Variants in SMARCA2 observed in about 807,000 individuals in gnomAD.
SMARCA2 encodes the protein SWI/SNF-related matrix-associated actin-dependent regulator of chromatin subfamily A member 2.
In SMARCA2, 61 loss-of-function variants were observed where a neutral mutation model predicts 199.8. The ratio of observed to expected loss-of-function variants is 0.31; its 90% CI spans 0.25 to 0.38. The LOEUF is 0.38. SMARCA2 is among the 10% of genes least tolerant of loss of function. The probability of loss-of-function intolerance (pLI) is 1.00; values close to 1 mark genes in which losing one functional copy is unlikely to be tolerated. For missense variants in SMARCA2, 1,344 were observed against 2,012.2 expected, an observed-to-expected ratio of 0.67 and a Z score of 6.35; for synonymous variants, 935 against 732.0, an observed-to-expected ratio of 1.28 and a Z score of -4.48.
Position 2,149,989 on chromosome 9 carries a change from C to A in SMARCA2, c.3982-11697C>A, listed in dbSNP as rs140618616. Among the ~76,000 whole-genome samples, 53 of 151,544 alleles carry A rather than the reference C, an allele frequency of 3.5e-4. No individual in the cohort carries two copies. In the East Asian group the frequency reaches 0.01, roughly 29 times the overall value. On this transcript the variant is annotated intron_variant, in intron 27 of 33. Transcript: ENST00000349721. Reference sequence around the variant, plus strand: ...CAAATTTAACTAGAACCAGACACTCCTCTACTGACACTCTAATAATATGTG... The same window carrying A: ...CAAATTTAACTAGAACCAGACACTCATCTACTGACACTCTAATAATATGTG...
chr9:2,184,203 A>G (rs1051371461), intron 31 of SMARCA2, among the ~76,000 whole-genome samples: 14 of 152,160 alleles, frequency 9.2e-5, no homozygotes, highest in African/African-American at 3.4e-4. Context: ...ATTCGGACTG[A>G]TACTATGATC....
intron 27 of SMARCA2, among the ~76,000 whole-genome samples, chr9:2,154,231 A>G (rs999019557): frequency 1.3e-5 from 2 of 152,242 alleles, no homozygotes; most frequent in South Asian, 2.1e-4. Context: ...GTGGCTGTCA[A>G]CACAGCAAAC....
intron 28 of SMARCA2, among the ~76,000 whole-genome samples, chr9:2,163,188 A>C (rs555086956): frequency 6.6e-6 from 1 of 152,368 alleles, no homozygotes; most frequent in East Asian, 1.9e-4. Flanking sequence ...ATGGGGAAAG[A>C]GGAGTAGGTG....
At position 2,103,913 on chromosome 9, in the gene SMARCA2, A is replaced by G. The variant is rs1822641725; in HGVS notation, c.3126-90A>G. On this transcript the variant is annotated intron_variant, in intron 22 of 33. Coordinates refer to ENST00000349721, the MANE Select transcript of SMARCA2 (RefSeq NM_003070.5). ...ACTTATTGAATGTTTACAGTGTACA[A>G]AGGACTATATGAAAAGCAAAGCAAT... 6.6e-6 allele frequency: 7 copies of G among 1,060,804 alleles called. 1 individual carries two copies. The South Asian group carries it at 8.5e-5, about 13-fold the overall frequency. 65.7% of individuals were successfully genotyped at this position (1,060,804 alleles called of 1,614,324 possible).
At chr9:2,114,733 T>C (rs1000109468) in intron 24 of SMARCA2, among the ~76,000 whole-genome samples, 5 of 152,216 alleles carry the variant, frequency 3.3e-5, no homozygotes, top group Non-Finnish European at 7.3e-5. Context: ...TTTCTTATTA[T>C]TAATATATGA....
chr9:2,156,639 T>C (rs1262552186), intron 27 of SMARCA2, among the ~76,000 whole-genome samples: 2 of 151,952 alleles, frequency 1.3e-5, no homozygotes, highest in African/African-American at 4.8e-5. Flanking sequence ...CCATGTTGGT[T>C]AGGCTGGTCT....
intron 9 of SMARCA2, 172 bp downstream of exon 9, chr9:2,061,158 G>C: frequency 1.6e-6 from 1 of 607,792 alleles, no homozygotes. Flanking sequence ...AGGTACACTA[G>C]ACAACTATTG....
Position 2,169,361 on chromosome 9 carries a change from C to A in SMARCA2, c.4200-1058C>A, listed in dbSNP as rs1826114894. On this transcript the variant is annotated intron_variant, in intron 28 of 33. Transcript: ENST00000349721. This position sits in a 1 kb window ranked among gnomAD's most constrained non-coding sequence, Gnocchi z 6.5. ...CGTTGCCTACCCGATGATGACCAGA[C>A]TTCTTAGCGTAGGAGAATTGTTATC... is the stretch of plus-strand genomic sequence containing the variant. Among the ~76,000 whole-genome samples the A allele has an allele frequency of 6.6e-6, 1 of 152,198 alleles. No homozygotes were observed. The highest frequency in any genetic ancestry group is 1.5e-5 in the Non-Finnish European group (1 of 68,022).
At chr9:2,125,245 T>C (rs905906704) in intron 27 of SMARCA2, among the ~76,000 whole-genome samples, 3 of 152,230 alleles carry the variant, frequency 2.0e-5, no homozygotes, top group African/African-American at 7.2e-5. Flanking sequence ...GTGTATAAAA[T>C]AGAACATTTG....
intron 21 of SMARCA2, among the ~76,000 whole-genome samples, chr9:2,100,120 G>T (rs1322054696): frequency 6.6e-6 from 1 of 152,216 alleles, no homozygotes; most frequent in Non-Finnish European, 1.5e-5. Flanking sequence ...AAGCAGAAAA[G>T]GGAGACAGCC....
chr9:2,134,014 A>G (rs1421232964), intron 27 of SMARCA2, among the ~76,000 whole-genome samples: 2 of 152,200 alleles, frequency 1.3e-5, no homozygotes, highest in Non-Finnish European at 2.9e-5. Context: ...TTGATAGGGT[A>G]TTCTGAGAAT....
At chr9:2,143,730 A>G (rs1824577321) in intron 27 of SMARCA2, among the ~76,000 whole-genome samples, 1 of 152,254 alleles carries the variant, frequency 6.6e-6, no homozygotes, top group African/African-American at 2.4e-5. Context: ...GACAGGATCC[A>G]CAAAGAGAAA....
intron 27 of SMARCA2, among the ~76,000 whole-genome samples, chr9:2,125,812 C>T (rs1436522819): frequency 3.9e-5 from 6 of 152,246 alleles, no homozygotes; most frequent in Non-Finnish European, 5.9e-5. Flanking sequence ...TAAAGCTAAG[C>T]TTTGATATGT....
chr9:2,160,684 G>C, intron 27 of SMARCA2: 1 of 686,158 alleles, frequency 1.5e-6, no homozygotes, highest in Non-Finnish European at 2.7e-6. Flanking sequence ...TTGCATACTG[G>C]AGGCAATATT....
chr9:2,036,907 G>C (rs574496916), intron 3 of SMARCA2, among the ~76,000 whole-genome samples: 3 of 152,068 alleles, frequency 2.0e-5, no homozygotes, highest in Admixed American at 1.3e-4. Flanking sequence ...ATTTAGACTA[G>C]GTTGCCTAAT....
rs1467981003 is a variant in SMARCA2, at chr9:2,029,041, C to G, written c.19C>G (p.Pro7Ala). ...GAGGTAGATGTCCACGCCCACAGACCCTGGTGCGATGCCCCACCCAGGGCC... is the reference window on the plus strand; with the variant it reads ...GAGGTAGATGTCCACGCCCACAGACGCTGGTGCGATGCCCCACCCAGGGCC... Reference protein sequence around the residue: MSTPTDPGAMPHPGPSP... With the variant: MSTPTDAGAMPHPGPSP... The change falls in exon 2 of 34, where the codon CCT becomes GCT. Residue 7 changes from proline to alanine, a missense_variant. Physicochemically the swap from Pro to Ala is conservative, Grantham distance 27. Around this residue, in one of 18 missense-constraint regions of SMARCA2, gnomAD observed 275 missense variants for 247.5 expected, o/e 1.11. Transcript: ENST00000349721. The G allele has an allele frequency of 1.3e-6, 2 of 1,552,374 alleles. No homozygotes were observed. Among genetic ancestry groups the G allele is most frequent in the Non-Finnish European group, 1.7e-6 (2 of 1,147,998 alleles).
intron 3 of SMARCA2, among the ~76,000 whole-genome samples, chr9:2,038,720 A>T (rs950399717): frequency 7.9e-5 from 12 of 151,986 alleles, no homozygotes; most frequent in African/African-American, 2.9e-4. Flanking sequence ...TACCCCTATT[A>T]GTGTCCCCTT....
chr9:2,055,657 A>G (rs1018711132), intron 6 of SMARCA2: 9 of 152,338 alleles, frequency 5.9e-5, no homozygotes, highest in African/African-American at 2.2e-4. Flanking sequence ...ACCGGCTATA[A>G]TCTCACAGAT....
Position 2,158,956 on chromosome 9 carries a change from A to G in SMARCA2, c.3982-2730A>G, listed in dbSNP as rs146130056. On this transcript the variant is annotated intron_variant, in intron 27 of 33. Transcript: ENST00000349721. ...GTAGCTCTCTGCATTCCTGCATAAA[A>G]CCTTAGTTTGAGGGGAATAATGGTC... is the stretch of plus-strand genomic sequence containing the variant. The G allele has an allele frequency of 5.3e-4, 862 of 1,612,198 alleles. 2 individuals are homozygous for G. The African/African-American group carries it at 0.01, about 19-fold the overall frequency.
Sources: gnomAD v4.1 joint callset for allele counts (sites outside exome capture counted in the v4.1 genomes callset) on GRCh38, gnomAD v4.1.1 for gene constraint, gnomAD v4.1.1 regional missense constraint, Gnocchi (gnomAD v3.1) non-coding constraint, MANE v1.5 for transcripts, NCBI Gene and HGNC (gene_info 2026-07-23, HGNC 2026-07-21) for gene names.